The following DNAH5 variants were observed in gnomAD, a reference collection of about 807,000 sequenced individuals.
The protein encoded by DNAH5 is axonemal beta dynein heavy chain 5.
Under a neutral mutation model 518.2 loss-of-function variants are expected in DNAH5, and 372 were observed. The observed-to-expected ratio is 0.72, with a 90% confidence interval of 0.66 to 0.78. The LOEUF is 0.78. Among genes scored for constraint, DNAH5 ranks in the 30% least tolerant of loss-of-function variants. The probability of loss-of-function intolerance (pLI) is 0.00; values close to 1 mark genes in which losing one functional copy is unlikely to be tolerated. For synonymous variants in DNAH5, 2,039 were observed against 2,025.9 expected, an observed-to-expected ratio of 1.01 and a Z score of -0.17; for missense variants, 5,523 against 5,687.0, an observed-to-expected ratio of 0.97 and a Z score of 0.93.
chr5:13,881,412 C>A (rs948830545), intron 21 of DNAH5, among the ~76,000 whole-genome samples: 3 of 151,832 alleles, frequency 2.0e-5, no homozygotes, highest in African/African-American at 7.3e-5. Flanking sequence ...TGAGTCTTAA[C>A]AAACTTAAGA....
Position 13,894,630 on chromosome 5 carries a change from A to G in DNAH5, c.2431+20T>C. On this transcript the variant is annotated intron_variant, in intron 16 of 78. Transcript: ENST00000265104. ...TCAGCCTTTAGAATTCAGAAATACT[A>G]ATTATTCAGGCAGACTTACTGATCT... The G allele has an allele frequency of 6.2e-7, 1 of 1,612,424 alleles. No individual in the cohort carries two copies. Among genetic ancestry groups the G allele is most frequent in the Non-Finnish European group, 8.5e-7 (1 of 1,178,694 alleles).
At chr5:13,713,428 C>G (rs1279093653) in intron 75 of DNAH5, among the ~76,000 whole-genome samples, 1 of 60,892 alleles carries the variant, frequency 1.6e-5, no homozygotes, top group Non-Finnish European at 3.1e-5. Context: ...TATATATATA[C>G]ATCGACATAT....
chr5:13,748,553 G>A (rs6896875), intron 65 of DNAH5, among the ~76,000 whole-genome samples: 50,393 of 151,838 alleles, frequency 0.33, 8,522 homozygotes, highest in East Asian at 0.43. Context: ...CTTTTATTTC[G>A]TTTAGCAGTG....
intron 50 of DNAH5, 47 bp downstream of exon 50, chr5:13,791,947 T>A: frequency 2.1e-6 from 3 of 1,410,706 alleles, no homozygotes; most frequent in Non-Finnish European, 3.0e-6. Flanking sequence ...TTAGAATATA[T>A]CATTAATAGC....
chr5:13,870,578 G>A (rs1320739839), intron 24 of DNAH5, among the ~76,000 whole-genome samples, 189 bp downstream of exon 24: 1 of 152,116 alleles, frequency 6.6e-6, no homozygotes, highest in Non-Finnish European at 1.5e-5. Flanking sequence ...GACCTTAGGC[G>A]ACATGTGAAG....
chr5:13,810,765 C>CAAA (rs552513435), intron 44 of DNAH5, among the ~76,000 whole-genome samples: 4 of 146,310 alleles, frequency 2.7e-5, no homozygotes, highest in Non-Finnish European at 6.0e-5. Flanking sequence ...AAAAACAAAA[C>CAAA]AAACAAACAA....
intron 75 of DNAH5, among the ~76,000 whole-genome samples, chr5:13,709,419 G>A (rs2126462586): frequency 6.6e-6 from 1 of 151,768 alleles, no homozygotes; most frequent in Non-Finnish European, 1.5e-5. Context: ...AAATTTGTGA[G>A]TGCATATGTA....
intron 29 of DNAH5, 35 bp from the exon 30 acceptor site, chr5:13,859,640 T>C: frequency 1.9e-6 from 3 of 1,601,674 alleles, no homozygotes; most frequent in Non-Finnish European, 2.6e-6. Context: ...TTTGGTTTTG[T>C]TTTTGTTGTG....
Position 13,769,606 on chromosome 5 carries a change from A to T in DNAH5, c.9615T>A (p.Thr3205=). 1 of 1,613,716 alleles carries T rather than the reference A, an allele frequency of 6.2e-7. No homozygotes were observed. ...EVRTLANRMN[T]GLEKLKEASE... ...AAGCTTCTTTGAGCTTTTCCAATCC[A>T]GTATTCATTCTGGGATTGAAAATCC... The change falls in exon 57 of 79, where the codon ACT becomes ACA. Residue 3205 remains threonine, a synonymous_variant. Coordinates refer to ENST00000265104, the MANE Select transcript of DNAH5 (RefSeq NM_001369.3).
In DNAH5 at chr5:13,830,031, T is replaced by C. The variant is rs764086035; in HGVS notation, c.6244A>G (p.Thr2082Ala). 6.2e-7 allele frequency: 1 copy of C among 1,613,642 alleles called. No individual in the cohort carries two copies. Among genetic ancestry groups the C allele is most frequent in the Non-Finnish European group, 8.5e-7 (1 of 1,179,752 alleles). The change falls in exon 37 of 79, where the codon ACC (threonine) becomes GCC (alanine). Residue 2082 changes from threonine (T) to alanine (A), a missense_variant. Thr to Ala is a moderately conservative substitution (Grantham distance 58, BLOSUM62 0). Coordinates refer to ENST00000265104, the MANE Select transcript of DNAH5 (RefSeq NM_001369.3). Reference protein sequence around the residue: ...TMNPEFGLFLTMNPGYAGRQE... With the variant: ...TMNPEFGLFLAMNPGYAGRQE... Reference sequence around the variant, plus strand: ...CTTTTCTAGCAGCTCCTTACCATGGTTAAGAAAAGCCCAAATTCAGGGTTC... The same window carrying C: ...CTTTTCTAGCAGCTCCTTACCATGGCTAAGAAAAGCCCAAATTCAGGGTTC...
intron 15 of DNAH5, among the ~76,000 whole-genome samples, chr5:13,896,151 G>C (rs1468459838): frequency 1.3e-5 from 2 of 152,062 alleles, no homozygotes; most frequent in South Asian, 2.1e-4. Flanking sequence ...CAGCAAAAAT[G>C]ATCCTTTCAA....
At chr5:14,011,495 C>T (rs1231163969) in intron 1 of DNAH5, among the ~76,000 whole-genome samples, 1 of 152,152 alleles carries the variant, frequency 6.6e-6, no homozygotes, top group Non-Finnish European at 1.5e-5. Flanking sequence ...TTTTGGCCCC[C>T]AAACTCTGAA....
chr5:14,003,532 T>C (rs1784505389), intron 1 of DNAH5, among the ~76,000 whole-genome samples: 1 of 152,168 alleles, frequency 6.6e-6, no homozygotes, highest in Non-Finnish European at 1.5e-5. Flanking sequence ...CATACTCCAT[T>C]CATGACTTCT....
intron 47 of DNAH5, among the ~76,000 whole-genome samples, chr5:13,804,886 G>A (rs944325135): frequency 1.3e-5 from 2 of 152,188 alleles, no homozygotes; most frequent in South Asian, 2.1e-4. Flanking sequence ...TCCAGGAAAC[G>A]AGTACATATT....
chr5:13,766,046 CT>C lies in DNAH5; in HGVS notation c.10030del (p.Ser3344AlafsTer11), dbSNP rs1307200375. The part of the protein sequence containing the change: ...VSAVKIDLEK[S>X]CTMPSWQESL... ...TTCCTGCCAGGAGGGCATGGTACAG[CT>C]TTTTTCCAGGTCAATTTTCACAGCA... On this transcript the variant is annotated frameshift_variant, in exon 59 of 79. Transcript: ENST00000265104. LOFTEE classifies it high-confidence loss of function. 6.2e-7 allele frequency: 1 copy of C among 1,614,178 alleles called. No homozygotes were observed. Among genetic ancestry groups the C allele is most frequent in the Non-Finnish European group, 8.5e-7 (1 of 1,180,010 alleles).
intron 16 of DNAH5, among the ~76,000 whole-genome samples, chr5:13,893,665 CTGTT>C (rs1773551537): frequency 6.6e-6 from 1 of 152,130 alleles, no homozygotes; most frequent in Non-Finnish European, 1.5e-5. Context: ...CCTTTGTAGT[CTGTT>C]TGAGGAGAAA....
intron 47 of DNAH5, among the ~76,000 whole-genome samples, chr5:13,798,740 TTTTATTTATTTATTTA>T (rs1157548763): frequency 0.036 from 3,155 of 87,166 alleles, 111 homozygotes; most frequent in African/African-American, 0.11. Context: ...ATTTTATTTA[TTTTATTTATTTATTTA>T]TTTATTTATT....
At position 13,925,328 on chromosome 5, in the gene DNAH5, G is replaced by A. The variant is rs183887015; in HGVS notation, c.278-1888C>T. ...AAAGCTGTTGTCCTAGAACTGATTAGACATCTTCTCCCTGGCCCCCATCAG... is the reference window on the plus strand; with the variant it reads ...AAAGCTGTTGTCCTAGAACTGATTAAACATCTTCTCCCTGGCCCCCATCAG... On this transcript the variant is annotated intron_variant, in intron 3 of 78. Transcript: ENST00000265104. Among the ~76,000 whole-genome samples the A allele has an allele frequency of 1.3e-4, 20 of 152,310 alleles. No individual in the cohort carries two copies. In the East Asian group the frequency reaches 1.4e-3, roughly 10 times the overall value.
At chr5:13,926,364 T>G (rs1777869690) in intron 3 of DNAH5, among the ~76,000 whole-genome samples, 1 of 151,978 alleles carries the variant, frequency 6.6e-6, no homozygotes, top group African/African-American at 2.4e-5. Flanking sequence ...CCAGTAAAAA[T>G]TTTCCTGCCC....
Sources: gnomAD v4.1 joint callset for allele counts (sites outside exome capture counted in the v4.1 genomes callset) on GRCh38, gnomAD v4.1.1 for gene constraint, MANE v1.5 for transcripts, NCBI Gene and HGNC (gene_info 2026-07-23, HGNC 2026-07-21) for gene names.